The following MYO1H variants were observed in gnomAD, a reference collection of about 807,000 sequenced individuals.
The protein encoded by MYO1H is unconventional myosin-Ih.
A neutral mutation model predicts 149.3 loss-of-function variants in MYO1H; 118 were observed. That is an observed-to-expected ratio of 0.79 (90% CI 0.68 to 0.92). MYO1H has a LOEUF of 0.92. MYO1H is among the 40% of genes least tolerant of loss of function. The pLI is 0.00. For synonymous variants in MYO1H, 447 were observed against 465.2 expected, an observed-to-expected ratio of 0.96 and a Z score of 0.50; for missense variants, 1,212 against 1,280.7, an observed-to-expected ratio of 0.95 and a Z score of 0.82.
chr12:109,341,400 C>CA, the MYO1H span, among the ~76,000 whole-genome samples: 97 of 152,108 alleles, frequency 6.4e-4, no homozygotes, highest in African/African-American at 2.2e-3. Flanking sequence ...AGAATTTCTG[C>CA]AAAAAATCAG....
At chr12:109,391,343 G>C (rs1245199581) in intron 2 of MYO1H, among the ~76,000 whole-genome samples, 2 of 152,104 alleles carry the variant, frequency 1.3e-5, no homozygotes, top group Non-Finnish European at 2.9e-5. Context: ...TTGGTTTTCT[G>C]TTCCTGCATT....
intron 19 of MYO1H, among the ~76,000 whole-genome samples, chr12:109,432,340 C>A (rs922014928): frequency 2.6e-5 from 4 of 152,096 alleles, no homozygotes; most frequent in South Asian, 2.1e-4. Flanking sequence ...CCAGGCTGGT[C>A]TCAAATGCCT....
At chr12:109,360,075 G>A (rs374679975) in intron 1 of MYO1H, among the ~76,000 whole-genome samples, 21 of 152,106 alleles carry the variant, frequency 1.4e-4, no homozygotes, top group East Asian at 7.7e-4. Flanking sequence ...TGGGTAGCTG[G>A]CACTTTGTCT....
rs115586177 is a variant in MYO1H, at chr12:109,400,656, A to G, written c.571-437A>G. ...ATAAAGAAGACAATGGATCAGAATA[A>G]AGTCCAGAAAGGATAGAGTTCACAT... On this transcript the variant is annotated intron_variant, in intron 5 of 31. Coordinates refer to ENST00000310903, the Ensembl canonical transcript of MYO1H. 9.6e-3 allele frequency among the ~76,000 whole-genome samples: 1,459 copies of G among 152,346 alleles called. 20 individuals carry two copies. Among genetic ancestry groups the G allele is most frequent in the African/African-American group, 0.033 (1,371 of 41,578 alleles).
intron 19 of MYO1H, among the ~76,000 whole-genome samples, chr12:109,431,102 A>G (rs2135588304): frequency 6.7e-6 from 1 of 148,488 alleles, no homozygotes; most frequent in Middle Eastern, 3.6e-3. Context: ...ATATGAGGCC[A>G]GGCACGGTGG....
chr12:109,365,986 C>T (rs772033794), intron 1 of MYO1H, among the ~76,000 whole-genome samples: 5 of 152,166 alleles, frequency 3.3e-5, no homozygotes, highest in Admixed American at 6.5e-5. Flanking sequence ...GTGAACTGCA[C>T]GTGTGAAGGA....
At chr12:109,351,583 C>T (rs150493805) in intron 1 of MYO1H, among the ~76,000 whole-genome samples, 3 of 152,276 alleles carry the variant, frequency 2.0e-5, no homozygotes, top group African/African-American at 7.2e-5. Flanking sequence ...TTGTAAATTC[C>T]TGGGGACCAG....
upstream of MYO1H, chr12:109,347,802 CCA>C (rs1868370865): frequency 2.5e-6 from 1 of 394,768 alleles, no homozygotes. Context: ...TTTCTGCCTC[CCA>C]CCGTAAATTA....
chr12:109,331,473 C>T, the MYO1H span, among the ~76,000 whole-genome samples: 55 of 45,676 alleles, frequency 1.2e-3, no homozygotes, highest in Admixed American at 7.1e-3. Flanking sequence ...GACTGGGGTG[C>T]GGTGGGGCGG....
chr12:109,376,482 T>C (rs1260935134), intron 1 of MYO1H, among the ~76,000 whole-genome samples: 1 of 152,184 alleles, frequency 6.6e-6, no homozygotes, highest in African/African-American at 2.4e-5. Flanking sequence ...CTTTTCTGTG[T>C]GGTATGGGGT....
At chr12:109,405,962 A>G (rs548674256) in exon 8 of MYO1H, 1 of 1,613,510 alleles carries the variant, frequency 6.2e-7, no homozygotes, top group Non-Finnish European at 8.5e-7. Flanking sequence ...CACCTGGGGA[A>G]CATTGGTTTT....
chr12:109,341,826 G>A, the MYO1H span, among the ~76,000 whole-genome samples: 1 of 152,158 alleles, frequency 6.6e-6, no homozygotes, highest in Non-Finnish European at 1.5e-5. Flanking sequence ...ACTAGAGTTA[G>A]TGGTCTGATT....
chr12:109,443,263 T>C (rs1872302299), intron 27 of MYO1H, among the ~76,000 whole-genome samples: 1 of 61,858 alleles, frequency 1.6e-5, no homozygotes, highest in Non-Finnish European at 3.4e-5. Flanking sequence ...TATGTGTACG[T>C]ATATGTGTGT....
chr12:109,405,960 G>T, exon 8 of MYO1H: 1 of 1,613,784 alleles, frequency 6.2e-7, no homozygotes, highest in South Asian at 1.1e-5. Flanking sequence ...TACACCTGGG[G>T]AACATTGGTT....
upstream of MYO1H, among the ~76,000 whole-genome samples, chr12:109,344,927 G>T (rs1402574461): frequency 1.3e-5 from 2 of 152,196 alleles, no homozygotes; most frequent in Non-Finnish European, 2.9e-5. Context: ...CACATGCAAT[G>T]TTATAAAGTT....
At chr12:109,432,647 G>C (rs560962312) in intron 19 of MYO1H, among the ~76,000 whole-genome samples, 6 of 152,166 alleles carry the variant, frequency 3.9e-5, no homozygotes. Context: ...ACTGGGTTGA[G>C]CGTCTGATGA....
intron 1 of MYO1H, among the ~76,000 whole-genome samples, chr12:109,383,500 A>G (rs1037336598): frequency 6.6e-6 from 1 of 152,180 alleles, no homozygotes; most frequent in African/African-American, 2.4e-5. Flanking sequence ...TACGTACACA[A>G]AGTCTACTGT....
intron 10 of MYO1H, among the ~76,000 whole-genome samples, chr12:109,409,260 T>C (rs1441749724): frequency 8.2e-5 from 9 of 109,692 alleles, no homozygotes; most frequent in South Asian, 6.2e-4. Flanking sequence ...TTTTTTTTTT[T>C]TTTTTTTTTT....
chr12:109,398,284 G>A (rs7958071), intron 5 of MYO1H, among the ~76,000 whole-genome samples: 82,425 of 152,072 alleles, frequency 0.54, 23,498 homozygotes, highest in African/African-American at 0.71. Context: ...ACACATCTGG[G>A]GAGAACTGAA....
Sources: gnomAD v4.1 joint callset for allele counts (sites outside exome capture counted in the v4.1 genomes callset) on GRCh38, gnomAD v4.1.1 for gene constraint, MANE v1.5 for transcripts, NCBI Gene and HGNC (gene_info 2026-07-23, HGNC 2026-07-21) for gene names.